CDH11: variants seen among roughly 807,000 people sequenced by gnomAD.
CDH11 encodes the protein cadherin 11.
A neutral mutation model predicts 67.8 loss-of-function variants in CDH11; 11 were observed. The observed-to-expected ratio is 0.16, with a 90% CI of 0.10 to 0.27. The LOEUF (loss-of-function observed/expected upper bound fraction) is 0.27, where lower values mean the gene tolerates loss of function less well. Among genes scored for constraint, CDH11 ranks in the 10% least tolerant of loss-of-function variants. CDH11 has a pLI of 1.00. For synonymous variants in CDH11, 419 were observed against 400.0 expected (o/e 1.05, Z -0.57); for missense variants, 847 against 1,031.2 (o/e 0.82, Z 2.45).
intron 1 of CDH11, among the ~76,000 whole-genome samples, chr16:65,054,508 G>A (rs1286020569): frequency 2.0e-5 from 3 of 152,116 alleles, no homozygotes; most frequent in East Asian, 1.9e-4. Flanking sequence ...ACAACACCAC[G>A]TTTTAGACTT....
rs751356446 is a variant in CDH11 at position 64,991,718 on chromosome 16, G to C, written c.811+50C>G. On this transcript the variant is annotated intron_variant, in intron 6 of 12. Coordinates refer to ENST00000268603, the MANE Select transcript of CDH11 (RefSeq NM_001797.4). The stretch of plus-strand genomic sequence containing the variant: ...GCAGGAATAGGTTAGAGGAGGGAGA[G>C]AGCTGGCTGTGTCACCATGGAAAAG... The C allele has an allele frequency of 2.1e-6, 3 of 1,420,350 alleles. No individual in the cohort carries two copies. In the South Asian group the frequency reaches 3.6e-5, roughly 17 times the overall value. The allele number at this position is 1,420,350 out of a possible 1,614,324, so 88.0% of individuals were successfully genotyped here.
intron 1 of CDH11, among the ~76,000 whole-genome samples, chr16:65,094,281 G>C (rs960244637): frequency 6.6e-6 from 1 of 152,164 alleles, no homozygotes; most frequent in African/African-American, 2.4e-5. Context: ...AACACCAATA[G>C]TTATAAAACT....
At chr16:65,065,909 T>C (rs1364157859) in intron 1 of CDH11, among the ~76,000 whole-genome samples, 1 of 152,228 alleles carries the variant, frequency 6.6e-6, no homozygotes, top group African/African-American at 2.4e-5. Flanking sequence ...CTAAAGTGGA[T>C]TGTTGCATAG....
rs1325617640 is a variant in CDH11, at chr16:64,946,919, T to C, written c.*684A>G. On this transcript the variant is annotated 3_prime_UTR_variant, in exon 13 of 13. Coordinates refer to ENST00000268603, the MANE Select transcript of CDH11 (RefSeq NM_001797.4). ...GTCAGAATACTGATATTTATACGTA[T>C]ACTAAAATAAGAACTTTAAAATTGT... The C allele has an allele frequency of 1.2e-6, 1 of 819,306 alleles. No individual in the cohort carries two copies. The highest frequency in any genetic ancestry group is 1.8e-5 in the African/African-American group (1 of 54,426). The allele number at this position is 819,306 out of a possible 1,614,324, so 50.8% of individuals were successfully genotyped here.
intron 4 of CDH11, among the ~76,000 whole-genome samples, chr16:64,997,172 C>T (rs973633662): frequency 9.9e-5 from 15 of 151,748 alleles, no homozygotes; most frequent in Non-Finnish European, 1.2e-4. Flanking sequence ...TGGTGGCGCG[C>T]TCCTGTAATC....
At chr16:65,057,362 C>T (rs961826654) in intron 1 of CDH11, among the ~76,000 whole-genome samples, 7 of 152,184 alleles carry the variant, frequency 4.6e-5, no homozygotes, top group African/African-American at 1.4e-4. Context: ...TCAAGTACAG[C>T]GCCATTGTCA....
intron 8 of CDH11, among the ~76,000 whole-genome samples, chr16:64,975,936 G>C (rs906628582): frequency 6.6e-6 from 1 of 152,152 alleles, no homozygotes; most frequent in African/African-American, 2.4e-5. Flanking sequence ...ATTTAATTAA[G>C]GATATGTCAA....
rs547490847 is a variant in CDH11, at chr16:64,944,354, A to T, written c.*3249T>A. ...AGCAGAGAAGTCTTTCCTCTTCTCC[A>T]TCTCCAAATTACTGAATTATTTCAG... On this transcript the variant is annotated 3_prime_UTR_variant, in exon 13 of 13. Coordinates refer to ENST00000268603, the MANE Select transcript of CDH11 (RefSeq NM_001797.4). The T allele has an allele frequency of 4.3e-6, 1 of 232,660 alleles. No homozygotes were observed. Among genetic ancestry groups the T allele is most frequent in the African/African-American group, 2.2e-5 (1 of 45,408 alleles). The allele number at this position is 232,660 out of a possible 1,614,324, so 14.4% of individuals were successfully genotyped here. A position where few individuals can be genotyped will look rare whatever the true frequency, so the allele number is the denominator to read the frequency against.
chr16:65,083,997 C>T (rs2074654119), intron 1 of CDH11, among the ~76,000 whole-genome samples: 1 of 152,092 alleles, frequency 6.6e-6, no homozygotes, highest in African/African-American at 2.4e-5. Context: ...AGAGGAGGTG[C>T]TACTGGCATC....
chr16:64,969,059 G>T (rs1203811388), intron 11 of CDH11, among the ~76,000 whole-genome samples: 1 of 152,104 alleles, frequency 6.6e-6, no homozygotes, highest in Non-Finnish European at 1.5e-5. Context: ...CTCAACAGTG[G>T]TATTAGTCTC....
chr16:65,116,910 T>C (rs1245665887), intron 1 of CDH11, among the ~76,000 whole-genome samples: 1 of 152,204 alleles, frequency 6.6e-6, no homozygotes, highest in Non-Finnish European at 1.5e-5. Flanking sequence ...GATTTTCTGA[T>C]TGAGCAGAAA....
intron 1 of CDH11, among the ~76,000 whole-genome samples, chr16:65,118,068 A>G (rs1044777502): frequency 2.0e-5 from 3 of 152,186 alleles, no homozygotes; most frequent in Non-Finnish European, 4.4e-5. Flanking sequence ...CTCTCCTGAG[A>G]GGGCCAGACA....
Position 65,121,963 on chromosome 16 carries a change from G to A in CDH11, c.-381C>T, listed in dbSNP as rs1462023255. On this transcript the variant is annotated 5_prime_UTR_variant, in exon 1 of 13. Transcript: ENST00000268603. The surrounding 1 kb of genome is among the most constrained non-coding windows in gnomAD (Gnocchi z 4.1). ...CGCTGCGGTGTCAGTCCCGGCCCCA[G>A]TCCCGGTCCCATTCACAAGTCAGCG... The A allele has an allele frequency of 4.3e-5, 30 of 701,608 alleles. No homozygotes were observed. Among genetic ancestry groups the A allele is most frequent in the Non-Finnish European group, 7.3e-5 (28 of 384,512 alleles). The allele number at this position is 701,608 out of a possible 1,614,324, so 43.5% of individuals were successfully genotyped here.
chr16:64,965,392 C>CT (rs2071790566), intron 11 of CDH11, among the ~76,000 whole-genome samples: 1 of 151,682 alleles, frequency 6.6e-6, no homozygotes, highest in Non-Finnish European at 1.5e-5. Flanking sequence ...GAAAAAAAAC[C>CT]TTTTTGCTAA....
Position 64,943,939 on chromosome 16 carries a change from A to G in CDH11, c.*3664T>C. ...AAGCCAAAAAGCAAAATAAGTTTAA[A>G]GAGTTGTCATCGATACAAAATAACA... On this transcript the variant is annotated 3_prime_UTR_variant, in exon 13 of 13. Coordinates refer to ENST00000268603, the MANE Select transcript of CDH11 (RefSeq NM_001797.4). 4.3e-6 allele frequency: 1 copy of G among 230,840 alleles called. No homozygotes were observed. The highest frequency in any genetic ancestry group is 8.6e-6 in the Non-Finnish European group (1 of 116,542). 14.3% of individuals were successfully genotyped at this position (230,840 alleles called of 1,614,324 possible).
At chr16:65,089,358 G>A (rs1265110922) in intron 1 of CDH11, among the ~76,000 whole-genome samples, 1 of 152,028 alleles carries the variant, frequency 6.6e-6, no homozygotes, top group African/African-American at 2.4e-5. Context: ...CTTAACCAGC[G>A]ATACCAAAAA....
intron 2 of CDH11, among the ~76,000 whole-genome samples, chr16:65,035,232 T>A (rs1017614186): frequency 6.6e-6 from 1 of 152,158 alleles, no homozygotes; most frequent in Non-Finnish European, 1.5e-5. Flanking sequence ...CATCAGGGAG[T>A]GTGCCCAGGG....
chr16:64,985,794 T>C (rs556609769), intron 7 of CDH11: 1 of 149,532 alleles, frequency 6.7e-6, no homozygotes, highest in South Asian at 2.2e-4. Context: ...CCAAATATCC[T>C]ACAATGCGCA....
At position 64,989,885 on chromosome 16, in the gene CDH11, C is replaced by G. The variant is rs1459000318; in HGVS notation, c.812-1541G>C. 2.0e-5 allele frequency among the ~76,000 whole-genome samples: 3 copies of G among 152,150 alleles called. No individual in the cohort carries two copies. In the East Asian group the frequency reaches 5.8e-4, roughly 29 times the overall value. On this transcript the variant is annotated intron_variant, in intron 6 of 12. Coordinates refer to ENST00000268603, the MANE Select transcript of CDH11 (RefSeq NM_001797.4). ...TCAGCTCATTATGTTTTAATTTCCC[C>G]TTACAGAGATTTCATCAGTTCTAAT...
Sources: gnomAD v4.1 joint callset for allele counts (sites outside exome capture counted in the v4.1 genomes callset) on GRCh38, gnomAD v4.1.1 for gene constraint, Gnocchi (gnomAD v3.1) non-coding constraint, MANE v1.5 for transcripts, NCBI Gene and HGNC (gene_info 2026-07-23, HGNC 2026-07-21) for gene names.